Variants in CDH18 observed in about 807,000 individuals in gnomAD.
The protein encoded by CDH18 is cadherin-18.
CDH18 carries 31 observed loss-of-function variants against 67.9 expected under a neutral mutation model. That is an observed-to-expected ratio of 0.46 (90% CI 0.34 to 0.62). CDH18 has a LOEUF of 0.62. CDH18 is among the 20% of genes least tolerant of loss of function. CDH18 has a pLI of 0.01. For missense variants in CDH18, 890 were observed against 975.5 expected, an observed-to-expected ratio of 0.91 and a Z score of 1.17; for synonymous variants, 362 against 347.2, an observed-to-expected ratio of 1.04 and a Z score of -0.48.
At chr5:20,288,554 C>G (rs1746862326) in intron 1 of CDH18, among the ~76,000 whole-genome samples, 1 of 151,484 alleles carries the variant, frequency 6.6e-6, no homozygotes, top group African/African-American at 2.4e-5. Context: ...TTTTCTGGTA[C>G]AGAAGTTGGT....
intron 5 of CDH18, among the ~76,000 whole-genome samples, chr5:19,668,989 T>C (rs1244119816): frequency 1.3e-5 from 2 of 151,158 alleles, no homozygotes; most frequent in African/African-American, 2.4e-5. Flanking sequence ...CTTAGTCAGC[T>C]TTCCATGATA....
At chr5:20,136,748 A>G (rs1749760665) in intron 2 of CDH18, among the ~76,000 whole-genome samples, 1 of 152,112 alleles carries the variant, frequency 6.6e-6, no homozygotes, top group South Asian at 2.1e-4. Context: ...TTCCATGTTT[A>G]GTGCTTCCTT....
intron 2 of CDH18, among the ~76,000 whole-genome samples, chr5:20,098,511 C>T (rs1225258782): frequency 6.6e-6 from 1 of 152,044 alleles, no homozygotes; most frequent in Non-Finnish European, 1.5e-5. Context: ...TCCTGACAAC[C>T]AGCATTCTCT....
At chr5:19,562,576 T>C (rs1739649126) in intron 8 of CDH18, among the ~76,000 whole-genome samples, 1 of 152,152 alleles carries the variant, frequency 6.6e-6, no homozygotes, top group Non-Finnish European at 1.5e-5. Context: ...ATACTTTGCA[T>C]CCATTTCTTT....
intron 2 of CDH18, among the ~76,000 whole-genome samples, chr5:20,067,267 G>GT (rs1267023881): frequency 6.6e-6 from 1 of 151,352 alleles, no homozygotes; most frequent in African/African-American, 2.4e-5. Context: ...TTTTAGACCA[G>GT]TTTTTTAGTT....
At chr5:20,308,971 T>C (rs1445029037) in intron 1 of CDH18, among the ~76,000 whole-genome samples, 1 of 152,180 alleles carries the variant, frequency 6.6e-6, no homozygotes, top group Non-Finnish European at 1.5e-5. Context: ...AAAATTGGGG[T>C]ATTTATTTAT....
Position 20,489,973 on chromosome 5 carries a change from A to T in CDH18, c.-580+85489T>A, listed in dbSNP as rs191290436. Among the ~76,000 whole-genome samples, 810 of 151,782 alleles carry T rather than the reference A, an allele frequency of 5.3e-3. 10 individuals carry two copies. Among genetic ancestry groups the T allele is most frequent in the African/African-American group, 0.019 (775 of 41,534 alleles). On this transcript the variant is annotated intron_variant, in intron 1 of 14. Coordinates refer to the CDH18 transcript ENST00000507958. ...AGATTTTTATTTACATATACAAACTAGAAAGATTTTTCCATATGCTCCATC... is the reference window on the plus strand; with the variant it reads ...AGATTTTTATTTACATATACAAACTTGAAAGATTTTTCCATATGCTCCATC...
intron 1 of CDH18, among the ~76,000 whole-genome samples, chr5:20,302,310 G>A (rs1205754573): frequency 2.6e-5 from 4 of 152,042 alleles, no homozygotes; most frequent in Non-Finnish European, 2.9e-5. Flanking sequence ...AACGTCAATC[G>A]GGCAGGGCCG....
intron 5 of CDH18, among the ~76,000 whole-genome samples, chr5:19,695,825 G>A (rs970875962): frequency 2.6e-5 from 4 of 152,144 alleles, no homozygotes; most frequent in Admixed American, 1.3e-4. Flanking sequence ...TTAACTTCAG[G>A]AGCGAGTTCA....
intron 2 of CDH18, among the ~76,000 whole-genome samples, chr5:19,911,085 G>C (rs1579551341): frequency 1.3e-5 from 2 of 152,224 alleles, no homozygotes; most frequent in Non-Finnish European, 2.9e-5. Context: ...GGGCTACCAT[G>C]GCTGCCACTG....
chr5:20,172,212 A>ATATATATATATACG (rs1736823221), intron 2 of CDH18, among the ~76,000 whole-genome samples: 1 of 50,724 alleles, frequency 2.0e-5, no homozygotes, highest in Non-Finnish European at 3.8e-5. Context: ...ATATATATAT[A>ATATATATATATACG]TATATATATA....
At chr5:20,417,484 T>C (rs1747412353) in intron 1 of CDH18, among the ~76,000 whole-genome samples, 1 of 152,200 alleles carries the variant, frequency 6.6e-6, no homozygotes, top group South Asian at 2.1e-4. Context: ...AATGGTCTGT[T>C]TCCAGAATTA....
intron 3 of CDH18, among the ~76,000 whole-genome samples, chr5:19,834,629 G>A (rs1003645739): frequency 6.6e-6 from 1 of 151,900 alleles, no homozygotes; most frequent in Admixed American, 6.6e-5. Flanking sequence ...GTGTCGATTT[G>A]AGACCTTTCT....
intron 2 of CDH18, among the ~76,000 whole-genome samples, chr5:19,912,100 A>ATTT (rs1791209698): frequency 6.6e-6 from 1 of 152,130 alleles, no homozygotes; most frequent in Non-Finnish European, 1.5e-5. Context: ...TAATAATTAA[A>ATTT]GACATGTGTG....
intron 1 of CDH18, among the ~76,000 whole-genome samples, chr5:20,275,978 G>A (rs1246689441): frequency 1.3e-4 from 20 of 152,138 alleles, no homozygotes; most frequent in Admixed American, 9.2e-4. Context: ...CCCATGGAGG[G>A]AGCATTTAGA....
intron 5 of CDH18, among the ~76,000 whole-genome samples, chr5:19,635,381 T>C (rs1167668962): frequency 6.6e-6 from 1 of 152,184 alleles, no homozygotes; most frequent in South Asian, 2.1e-4. Flanking sequence ...AAAATGTACA[T>C]ACAAAAATAC....
chr5:19,535,782 A>C (rs1252865939), intron 9 of CDH18, among the ~76,000 whole-genome samples: 3 of 152,228 alleles, frequency 2.0e-5, no homozygotes, highest in Non-Finnish European at 4.4e-5. Context: ...TTTCATTTGT[A>C]AATTCTGGAA....
chr5:20,256,059 TA>T (rs1377858958), intron 1 of CDH18, among the ~76,000 whole-genome samples: 2 of 151,878 alleles, frequency 1.3e-5, no homozygotes, highest in African/African-American at 2.4e-5. Context: ...TATAAATCAA[TA>T]AAAAATATAT....
At chr5:19,568,145 T>C (rs1740753584) in intron 8 of CDH18, among the ~76,000 whole-genome samples, 1 of 152,022 alleles carries the variant, frequency 6.6e-6, no homozygotes, top group Non-Finnish European at 1.5e-5. Flanking sequence ...TCTGTGGGAG[T>C]TGTCCTGTGA....
Sources: allele counts gnomAD v4.1 joint callset (sites outside exome capture counted in the v4.1 genomes callset), GRCh38; gene constraint gnomAD v4.1.1; transcripts MANE v1.5; gene names NCBI Gene and HGNC (gene_info 2026-07-23, HGNC 2026-07-21).